ASTN2: variants seen among roughly 807,000 people sequenced by gnomAD.
The protein encoded by ASTN2 is astrotactin-2.
In ASTN2, 54 loss-of-function variants were observed where a neutral mutation model predicts 139.8. The ratio of observed to expected loss-of-function variants is 0.39; its 90% CI spans 0.31 to 0.48. ASTN2 has a LOEUF of 0.48. Among genes scored for constraint, ASTN2 ranks in the 20% least tolerant of loss-of-function variants. The pLI is 0.95. For missense variants in ASTN2, 1,565 were observed against 1,725.1 expected (o/e 0.91, Z 1.64); for synonymous variants, 756 against 719.5 (o/e 1.05, Z -0.81).
chr9:116,660,577 AG>A (rs1858503079), intron 16 of ASTN2, among the ~76,000 whole-genome samples: 1 of 152,176 alleles, frequency 6.6e-6, no homozygotes, highest in Admixed American at 6.5e-5. Context: ...GAGCATCATC[AG>A]AGGTCATTTG....
At chr9:116,985,192 A>G (rs1451355334) in intron 7 of ASTN2, among the ~76,000 whole-genome samples, 1 of 152,082 alleles carries the variant, frequency 6.6e-6, no homozygotes, top group African/African-American at 2.4e-5. Context: ...TTTCTTCCTT[A>G]TACTGCTGGT....
intron 13 of ASTN2, among the ~76,000 whole-genome samples, chr9:116,741,483 AT>A (rs1934849547): frequency 6.6e-6 from 1 of 152,104 alleles, no homozygotes; most frequent in Admixed American, 6.5e-5. Context: ...ACTGTGCCTC[AT>A]CCCCCCTCTC....
Position 116,513,317 on chromosome 9 carries a change from T to C in ASTN2, c.3356-25817A>G, listed in dbSNP as rs143257859. 7.3e-3 allele frequency among the ~76,000 whole-genome samples: 1,116 copies of C among 152,346 alleles called. 16 individuals are homozygous for C. Among genetic ancestry groups the C allele is most frequent in the African/African-American group, 0.026 (1,071 of 41,570 alleles). ...GGAAAATTCTTTTATTTAAGAATGTTGAATATTGGCCCCCACTCTCTTCTG... is the reference window on the plus strand; with the variant it reads ...GGAAAATTCTTTTATTTAAGAATGTCGAATATTGGCCCCCACTCTCTTCTG... On this transcript the variant is annotated intron_variant, in intron 19 of 22. Coordinates refer to ENST00000313400, the MANE Select transcript of ASTN2 (RefSeq NM_001365068.1).
At chr9:117,402,170 G>A (rs1302722390) in intron 1 of ASTN2, among the ~76,000 whole-genome samples, 1 of 152,182 alleles carries the variant, frequency 6.6e-6, no homozygotes, top group East Asian at 1.9e-4. Flanking sequence ...AGGTTCAAGA[G>A]ATTCTCCTGC....
chr9:116,555,784 G>A (rs916048213), intron 19 of ASTN2, among the ~76,000 whole-genome samples: 1 of 152,170 alleles, frequency 6.6e-6, no homozygotes, highest in Non-Finnish European at 1.5e-5. Context: ...TCTGACAGCT[G>A]AGTGACAAGA....
At chr9:116,857,390 G>C (rs1832768387) in intron 11 of ASTN2, among the ~76,000 whole-genome samples, 1 of 152,164 alleles carries the variant, frequency 6.6e-6, no homozygotes, top group Non-Finnish European at 1.5e-5. Flanking sequence ...AAACAAAGTG[G>C]TTTGTTCAAG....
intron 19 of ASTN2, among the ~76,000 whole-genome samples, chr9:116,536,673 T>C (rs1851644516): frequency 6.6e-6 from 1 of 152,262 alleles, no homozygotes; most frequent in South Asian, 2.1e-4. Context: ...GAACATCGAA[T>C]ATTGCTGAAC....
At chr9:116,666,765 TAAAC>T (rs1234277837) in intron 16 of ASTN2, among the ~76,000 whole-genome samples, 1 of 151,836 alleles carries the variant, frequency 6.6e-6, no homozygotes, top group East Asian at 1.9e-4. Context: ...AGAAACAAAT[TAAAC>T]AACACCATGA....
chr9:116,718,276 TGAAG>T (rs146858020), intron 16 of ASTN2, among the ~76,000 whole-genome samples: 369 of 152,054 alleles, frequency 2.4e-3, no homozygotes, highest in African/African-American at 8.0e-3. Flanking sequence ...TTCTAGGACT[TGAAG>T]GAAGGTCAGT....
intron 17 of ASTN2, among the ~76,000 whole-genome samples, chr9:116,625,363 G>A (rs530115765): frequency 1.3e-5 from 2 of 152,162 alleles, no homozygotes; most frequent in Non-Finnish European, 2.9e-5. Context: ...GAACCCGGGA[G>A]GTGGAGGTTG....
At chr9:116,719,466 A>G (rs992495636) in intron 16 of ASTN2, among the ~76,000 whole-genome samples, 1 of 152,088 alleles carries the variant, frequency 6.6e-6, no homozygotes, top group Non-Finnish European at 1.5e-5. Context: ...AGATCTTGAG[A>G]GAGGGTGTTG....
intron 20 of ASTN2, among the ~76,000 whole-genome samples, chr9:116,453,917 A>C (rs17292484): frequency 0.037 from 5,637 of 152,328 alleles, 301 homozygotes; most frequent in Admixed American, 0.16. Context: ...AGAAAACTAG[A>C]AACAATTTAC....
At chr9:117,204,622 T>C (rs75058577) in intron 3 of ASTN2, among the ~76,000 whole-genome samples, 1 of 152,112 alleles carries the variant, frequency 6.6e-6, no homozygotes, top group South Asian at 2.1e-4. Flanking sequence ...GATTACTCAT[T>C]TGGGTTGGGT....
chr9:117,048,296 A>G (rs1838802454), intron 5 of ASTN2, among the ~76,000 whole-genome samples: 2 of 152,184 alleles, frequency 1.3e-5, no homozygotes, highest in African/African-American at 4.8e-5. Context: ...ACCTCTCCCC[A>G]TCACAAGGAC....
intron 5 of ASTN2, among the ~76,000 whole-genome samples, chr9:117,041,049 A>G (rs543898605): frequency 6.6e-6 from 1 of 152,302 alleles, no homozygotes; most frequent in East Asian, 1.9e-4. Context: ...GAGGGCAGAG[A>G]GTACGGGGGG....
At chr9:116,452,015 G>A (rs879773630) in intron 20 of ASTN2, among the ~76,000 whole-genome samples, 1 of 151,958 alleles carries the variant, frequency 6.6e-6, no homozygotes, top group African/African-American at 2.4e-5. Context: ...TCTTTATTCA[G>A]GGTGTGGACT....
chr9:117,326,954 C>A (rs924986643), intron 1 of ASTN2, among the ~76,000 whole-genome samples: 1 of 152,138 alleles, frequency 6.6e-6, no homozygotes, highest in African/African-American at 2.4e-5. Flanking sequence ...TGGTCCCCAA[C>A]CTTTTTGGCA....
intron 4 of ASTN2, among the ~76,000 whole-genome samples, chr9:117,109,390 A>G (rs908054496): frequency 2.6e-5 from 4 of 152,026 alleles, no homozygotes; most frequent in African/African-American, 9.7e-5. Flanking sequence ...CTGTCCTTCA[A>G]TAGAATTTTG....
intron 5 of ASTN2, among the ~76,000 whole-genome samples, chr9:117,060,234 C>A (rs1279200385): frequency 1.3e-5 from 2 of 150,684 alleles, no homozygotes; most frequent in Non-Finnish European, 2.9e-5. Flanking sequence ...TTGCTTGAAC[C>A]TGGGAGGTGG....
Sources: gnomAD v4.1 joint callset for allele counts (sites outside exome capture counted in the v4.1 genomes callset) on GRCh38, gnomAD v4.1.1 for gene constraint, MANE v1.5 for transcripts, NCBI Gene and HGNC (gene_info 2026-07-23, HGNC 2026-07-21) for gene names.